The following COL8A1 variants were observed in gnomAD, a reference collection of about 807,000 sequenced individuals.
COL8A1 encodes collagen alpha-1(VIII) chain.
Under a neutral mutation model 42.7 loss-of-function variants are expected in COL8A1, and 21 were observed. That is an observed-to-expected ratio of 0.49 (90% CI 0.35 to 0.71). COL8A1 has a LOEUF of 0.71. Ranked by LOEUF, COL8A1 falls within the 30% of genes least tolerant of loss-of-function variation. COL8A1 has a pLI of 0.01. For synonymous variants in COL8A1, 367 were observed against 369.1 expected (o/e 0.99, Z 0.06); for missense variants, 788 against 962.4 (o/e 0.82, Z 2.40).
Position 99,798,601 on chromosome 3 carries a change from C to T in COL8A1, c.*2465C>T, listed in dbSNP as rs1197533005. ...TTATTTATTGGTTGTCACTCAATTG[C>T]CTATATATATATATATATGTGTGTG... is the stretch of plus-strand genomic sequence containing the variant. On this transcript the variant is annotated 3_prime_UTR_variant, in exon 4 of 4. Transcript: ENST00000652472. 1 of 117,834 alleles carries T rather than the reference C, an allele frequency of 8.5e-6. No individual in the cohort carries two copies. The highest frequency in any genetic ancestry group is 1.7e-5 in the Non-Finnish European group (1 of 58,184). The allele number at this position is 117,834 out of a possible 1,614,324, so 7.3% of individuals were successfully genotyped here. A position where few individuals can be genotyped will look rare whatever the true frequency, so the allele number is the denominator to read the frequency against.
intron 1 of COL8A1, among the ~76,000 whole-genome samples, chr3:99,697,026 G>T (rs1370328151): frequency 1.8e-5 from 2 of 112,412 alleles, no homozygotes; most frequent in Non-Finnish European, 3.3e-5. Context: ...TCGCTCTGTC[G>T]CCCAGGCTGG....
chr3:99,670,378 T>A (rs933510859), intron 1 of COL8A1, among the ~76,000 whole-genome samples: 3 of 152,094 alleles, frequency 2.0e-5, no homozygotes, highest in African/African-American at 7.2e-5. Context: ...AATTTAGTCA[T>A]CCTTTGCTAG....
chr3:99,737,345 T>C (rs1232018761), intron 1 of COL8A1, among the ~76,000 whole-genome samples: 1 of 152,152 alleles, frequency 6.6e-6, no homozygotes, highest in Non-Finnish European at 1.5e-5. Flanking sequence ...CATTTTGGCA[T>C]GATTTTGCAG....
intron 1 of COL8A1, chr3:99,685,582 G>C (rs905363245): frequency 1.3e-5 from 2 of 152,110 alleles, no homozygotes; most frequent in African/African-American, 4.8e-5. Context: ...TTATGGAATT[G>C]TAGAGTCTTT....
intron 3 of COL8A1, among the ~76,000 whole-genome samples, chr3:99,792,155 TA>T (rs1942013509): frequency 6.6e-6 from 1 of 152,226 alleles, no homozygotes; most frequent in Admixed American, 6.5e-5. Context: ...TCTATTCATG[TA>T]AAGAAAGTAT....
intron 1 of COL8A1, among the ~76,000 whole-genome samples, chr3:99,645,923 C>T (rs963297673): frequency 6.6e-6 from 1 of 152,022 alleles, no homozygotes; most frequent in African/African-American, 2.4e-5. Context: ...GAGACAAGCA[C>T]AAAGACTGAG....
intron 1 of COL8A1, among the ~76,000 whole-genome samples, chr3:99,701,622 G>A (rs1939542353): frequency 6.6e-6 from 1 of 152,144 alleles, no homozygotes; most frequent in South Asian, 2.1e-4. Flanking sequence ...CTTGAAAGTA[G>A]TTTAATTATT....
In COL8A1 at chr3:99,719,390, G is replaced by T. The variant is rs553290837; in HGVS notation, c.-128-25507G>T. Among the ~76,000 whole-genome samples the T allele has an allele frequency of 2.0e-5, 3 of 152,104 alleles. No homozygotes were observed. The East Asian group carries it at 5.8e-4, about 29-fold the overall frequency. ...AGTAGGCACTCAGAAAATAACTGTT[G>T]AATGAATAAGAAATTTCATTTACTC... is the stretch of plus-strand genomic sequence containing the variant. On this transcript the variant is annotated intron_variant, in intron 1 of 3. Transcript: ENST00000652472.
chr3:99,780,778 T>G (rs1474553620), intron 2 of COL8A1, among the ~76,000 whole-genome samples: 1 of 152,232 alleles, frequency 6.6e-6, no homozygotes, highest in African/African-American at 2.4e-5. Flanking sequence ...ACTTCCATTT[T>G]TCTTTGAAAA....
chr3:99,736,141 C>T (rs1455164170), intron 1 of COL8A1, among the ~76,000 whole-genome samples: 1 of 152,030 alleles, frequency 6.6e-6, no homozygotes, highest in Non-Finnish European at 1.5e-5. Flanking sequence ...TTTTTTGTGT[C>T]TCTATTTCCT....
intron 1 of COL8A1, among the ~76,000 whole-genome samples, chr3:99,735,319 C>T (rs201611353): frequency 1.3e-5 from 1 of 78,868 alleles, no homozygotes; most frequent in African/African-American, 6.4e-5. Flanking sequence ...TTTTGAAATA[C>T]GTCCCATCAA....
At chr3:99,777,698 C>T (rs973414743) in intron 2 of COL8A1, among the ~76,000 whole-genome samples, 19 of 152,166 alleles carry the variant, frequency 1.2e-4, no homozygotes, top group African/African-American at 4.6e-4. Flanking sequence ...ACAAAGCTCT[C>T]TTGGAGTGTA....
intron 1 of COL8A1, among the ~76,000 whole-genome samples, chr3:99,689,533 C>T (rs1455997187): frequency 6.6e-6 from 1 of 152,184 alleles, no homozygotes; most frequent in Non-Finnish European, 1.5e-5. Context: ...AATTCCCAAG[C>T]TTTAGTCATT....
At position 99,777,750 on chromosome 3, in the gene COL8A1, A is replaced by C. The variant is rs117115404; in HGVS notation, c.-3-12930A>C. Among the ~76,000 whole-genome samples the C allele has an allele frequency of 1.4e-3, 215 of 152,342 alleles. 2 individuals carry two copies. In the East Asian group the frequency reaches 0.036, roughly 26 times the overall value. ...GGTAACTTTAAAGCAAAACGAAGGA[A>C]AATTTCAATAAGAACCAAGCTGCCC... On this transcript the variant is annotated intron_variant, in intron 2 of 3. Coordinates refer to ENST00000652472, the MANE Select transcript of COL8A1 (RefSeq NM_020351.4).
intron 1 of COL8A1, among the ~76,000 whole-genome samples, chr3:99,709,863 A>G (rs1939786967): frequency 6.6e-6 from 1 of 152,200 alleles, no homozygotes; most frequent in African/African-American, 2.4e-5. Flanking sequence ...TCCTATCAAG[A>G]TACAGCTAAA....
At chr3:99,733,032 T>C (rs1199953347) in intron 1 of COL8A1, among the ~76,000 whole-genome samples, 4 of 151,890 alleles carry the variant, frequency 2.6e-5, no homozygotes, top group Admixed American at 2.0e-4. Context: ...ATCCGGGTCA[T>C]GCCGATGCAA....
intron 2 of COL8A1, among the ~76,000 whole-genome samples, chr3:99,790,175 C>T (rs183306918): frequency 6.6e-6 from 1 of 152,350 alleles, no homozygotes; most frequent in Non-Finnish European, 1.5e-5. Context: ...CTGTGCACTG[C>T]ATTCGCCTCA....
intron 1 of COL8A1, among the ~76,000 whole-genome samples, chr3:99,701,570 G>A (rs1338540479): frequency 6.6e-6 from 1 of 152,158 alleles, no homozygotes; most frequent in Non-Finnish European, 1.5e-5. Flanking sequence ...AGTAAGCAGA[G>A]GTTTCATTGA....
intron 1 of COL8A1, among the ~76,000 whole-genome samples, chr3:99,713,100 T>C (rs1939892364): frequency 6.6e-6 from 1 of 152,140 alleles, no homozygotes; most frequent in African/African-American, 2.4e-5. Flanking sequence ...GCCTCTGCTG[T>C]GTGCTTTACA....
Sources: allele counts gnomAD v4.1 joint callset (sites outside exome capture counted in the v4.1 genomes callset), GRCh38; gene constraint gnomAD v4.1.1; transcripts MANE v1.5; gene names NCBI Gene and HGNC (gene_info 2026-07-23, HGNC 2026-07-21).